Variants in EYA2 observed in about 807,000 individuals in gnomAD.
EYA2 encodes EYA transcriptional coactivator and phosphatase 2.
A neutral mutation model predicts 69.2 loss-of-function variants in EYA2; 31 were observed. The ratio of observed to expected loss-of-function variants is 0.45; its 90% CI spans 0.34 to 0.60. EYA2 has a LOEUF of 0.60. Among genes scored for constraint, EYA2 ranks in the 20% least tolerant of loss-of-function variants. The pLI is 0.02. For synonymous variants in EYA2, 257 were observed against 279.4 expected, an observed-to-expected ratio of 0.92 and a Z score of 0.80; for missense variants, 622 against 701.2, an observed-to-expected ratio of 0.89 and a Z score of 1.28.
At chr20:47,148,259 T>A (rs2033748756) in intron 10 of EYA2, among the ~76,000 whole-genome samples, 1 of 151,970 alleles carries the variant, frequency 6.6e-6, no homozygotes, top group East Asian at 1.9e-4. Context: ...AGTTTGCTCA[T>A]CTGTTAAATG....
chr20:47,173,500 G>A (rs1236328235), intron 12 of EYA2, among the ~76,000 whole-genome samples: 3 of 103,358 alleles, frequency 2.9e-5, no homozygotes, highest in East Asian at 3.0e-4. Context: ...GCAACAAAGT[G>A]AGACCCCGTA....
At chr20:47,163,931 C>T (rs2034126982) in intron 10 of EYA2, among the ~76,000 whole-genome samples, 1 of 152,102 alleles carries the variant, frequency 6.6e-6, no homozygotes, top group Admixed American at 6.5e-5. Context: ...AGGTCCCGGT[C>T]CTCAGCCCCA....
At chr20:46,923,265 T>G (rs1469417507) in intron 1 of EYA2, among the ~76,000 whole-genome samples, 1 of 152,182 alleles carries the variant, frequency 6.6e-6, no homozygotes, top group East Asian at 1.9e-4. Context: ...ACTCAGAGGC[T>G]GAGACATGAG....
intron 4 of EYA2, among the ~76,000 whole-genome samples, chr20:47,011,822 A>G (rs1983075627): frequency 6.6e-6 from 1 of 152,162 alleles, no homozygotes; most frequent in African/African-American, 2.4e-5. Context: ...TTAGCACCTT[A>G]AGACTCTAAA....
chr20:47,065,918 A>C (rs1263336370), intron 5 of EYA2, among the ~76,000 whole-genome samples: 1 of 152,220 alleles, frequency 6.6e-6, no homozygotes, highest in Non-Finnish European at 1.5e-5. Flanking sequence ...CCTGAATGTC[A>C]GTGTCAACAC....
intron 1 of EYA2, among the ~76,000 whole-genome samples, chr20:46,911,231 T>TTGTGTGTG (rs140564632): frequency 0.022 from 3,219 of 148,290 alleles, 100 homozygotes; most frequent in East Asian, 0.13. Flanking sequence ...GCTGGATAAT[T>TTGTGTGTG]TGTGTGTGTG....
intron 5 of EYA2, among the ~76,000 whole-genome samples, chr20:47,037,629 C>G (rs1202200447): frequency 6.6e-6 from 1 of 152,164 alleles, no homozygotes; most frequent in Non-Finnish European, 1.5e-5. Context: ...CTTTTCCAAC[C>G]TCCCAAGGCT....
At chr20:47,064,107 C>T (rs2031016178) in intron 5 of EYA2, among the ~76,000 whole-genome samples, 1 of 152,176 alleles carries the variant, frequency 6.6e-6, no homozygotes, top group South Asian at 2.1e-4. Context: ...AAGCATGCAT[C>T]ACCATGCCCG....
chr20:46,930,696 A>C (rs1485987855), intron 1 of EYA2, among the ~76,000 whole-genome samples: 2 of 152,228 alleles, frequency 1.3e-5, no homozygotes, highest in Non-Finnish European at 2.9e-5. Context: ...GCACATTAAA[A>C]GAGAAATAAT....
intron 9 of EYA2, among the ~76,000 whole-genome samples, chr20:47,130,343 C>G (rs941911662): frequency 1.5e-5 from 2 of 134,550 alleles, no homozygotes; most frequent in Admixed American, 1.6e-4. Context: ...CGGCTCACTG[C>G]AAGCTCCGCC....
chr20:46,902,658 G>A (rs76543943), intron 1 of EYA2, among the ~76,000 whole-genome samples: 3,141 of 152,280 alleles, frequency 0.021, 114 homozygotes, highest in African/African-American at 0.071. Flanking sequence ...GATATTTATC[G>A]ATGGTTAGGT....
Position 46,914,626 on chromosome 20 carries a change from C to T in EYA2, c.-11+19639C>T, listed in dbSNP as rs1576995. Reference sequence around the variant, plus strand: ...ATCAAATCTTGTGAGAACTAACTCACTATTGTGAGACTAGGATGGGAGAAA... The same window carrying T: ...ATCAAATCTTGTGAGAACTAACTCATTATTGTGAGACTAGGATGGGAGAAA... On this transcript the variant is annotated intron_variant, in intron 1 of 15. Coordinates refer to ENST00000327619, the MANE Select transcript of EYA2 (RefSeq NM_005244.5). Among the ~76,000 whole-genome samples the T allele has an allele frequency of 4.7e-3, 716 of 152,292 alleles. 3 individuals carry two copies. The highest frequency in any genetic ancestry group is 0.017 in the African/African-American group (686 of 41,546).
At chr20:46,915,132 G>T (rs1196727822) in intron 1 of EYA2, among the ~76,000 whole-genome samples, 1 of 152,182 alleles carries the variant, frequency 6.6e-6, no homozygotes, top group Non-Finnish European at 1.5e-5. Context: ...AGTGTCTCTA[G>T]CTTCGAGCTG....
intron 1 of EYA2, among the ~76,000 whole-genome samples, chr20:46,925,734 C>T (rs903267621): frequency 2.6e-5 from 4 of 152,208 alleles, no homozygotes; most frequent in Non-Finnish European, 4.4e-5. Flanking sequence ...TGTGTCACTA[C>T]GGTCCTTTTG....
At chr20:47,083,993 C>A (rs2031811263) in intron 7 of EYA2, among the ~76,000 whole-genome samples, 1 of 152,196 alleles carries the variant, frequency 6.6e-6, no homozygotes, top group Admixed American at 6.5e-5. Flanking sequence ...TGCCTGTAAT[C>A]CCAGCACTTT....
chr20:46,968,555 T>C (rs1348208968), intron 1 of EYA2, among the ~76,000 whole-genome samples: 1 of 152,102 alleles, frequency 6.6e-6, no homozygotes, highest in East Asian at 1.9e-4. Context: ...CCCCTCCCCT[T>C]CACCACCCCC....
chr20:47,184,178 T>C (rs897301070), intron 15 of EYA2, among the ~76,000 whole-genome samples: 3 of 152,160 alleles, frequency 2.0e-5, no homozygotes, highest in Non-Finnish European at 4.4e-5. Context: ...GTAGTCTCTA[T>C]TATCCGCCGC....
intron 5 of EYA2, among the ~76,000 whole-genome samples, chr20:47,065,047 A>AGTTC (rs2031057976): frequency 6.6e-6 from 1 of 152,202 alleles, no homozygotes; most frequent in South Asian, 2.1e-4. Flanking sequence ...GCAAGAGAAC[A>AGTTC]TGTGCAGGGG....
Position 47,171,941 on chromosome 20 carries a change from A to C in EYA2, c.1038-766A>C, listed in dbSNP as rs549581998. On this transcript the variant is annotated intron_variant, in intron 11 of 15. Transcript: ENST00000327619. ...ACCCTGTCTCTACTAAAAATACAAAAAATTACCTGGGTGTGGTGGAGGGCA... is the reference window on the plus strand; with the variant it reads ...ACCCTGTCTCTACTAAAAATACAAACAATTACCTGGGTGTGGTGGAGGGCA... Among the ~76,000 whole-genome samples the C allele has an allele frequency of 1.3e-4, 19 of 151,750 alleles. No individual in the cohort carries two copies. In the South Asian group the frequency reaches 3.4e-3, roughly 27 times the overall value.
Sources: gnomAD v4.1 joint callset for allele counts (sites outside exome capture counted in the v4.1 genomes callset) on GRCh38, gnomAD v4.1.1 for gene constraint, MANE v1.5 for transcripts, NCBI Gene and HGNC (gene_info 2026-07-23, HGNC 2026-07-21) for gene names.